ANK3: variants seen among roughly 807,000 people sequenced by gnomAD.
ANK3 encodes the protein ankyrin 3.
ANK3 carries 57 observed loss-of-function variants against 370.9 expected under a neutral mutation model. The observed-to-expected ratio is 0.15, with a 90% confidence interval of 0.12 to 0.19. ANK3 has a LOEUF of 0.19. Among genes scored for constraint, ANK3 ranks in the 10% least tolerant of loss-of-function variants. The pLI is 1.00. For missense variants in ANK3, 4,439 were observed against 5,302.1 expected (o/e 0.84, Z 5.06); for synonymous variants, 1,929 against 1,946.3 (o/e 0.99, Z 0.23).
Position 60,108,812 on chromosome 10 carries a change from A to G in ANK3, c.3173+18T>C. On this transcript the variant is annotated intron_variant, in intron 27 of 43. Transcript: ENST00000280772. ...ATGCATTGTGAGGGCCAAGGTTAAAATTGACAAAACAACTTACCCTAAAAA... is the reference window on the plus strand; with the variant it reads ...ATGCATTGTGAGGGCCAAGGTTAAAGTTGACAAAACAACTTACCCTAAAAA... 1 of 1,608,926 alleles carries G rather than the reference A, an allele frequency of 6.2e-7. No individual in the cohort carries two copies.
chr10:60,397,583 G>A (rs916061943), intron 2 of ANK3, among the ~76,000 whole-genome samples: 11 of 152,258 alleles, frequency 7.2e-5, no homozygotes, highest in African/African-American at 2.6e-4. Context: ...GGCACTCAGG[G>A]TTCCTGAGTA....
chr10:60,390,719 T>C (rs1205653215), upstream of ANK3, among the ~76,000 whole-genome samples: 1 of 101,006 alleles, frequency 9.9e-6, no homozygotes, highest in African/African-American at 4.3e-5. Flanking sequence ...TGAGACCTAG[T>C]AAAAAAAAGA....
intron 11 of ANK3, 72 bp downstream of exon 11, chr10:60,205,720 G>T (rs1195244037): frequency 1.8e-6 from 2 of 1,098,226 alleles, no homozygotes; most frequent in Non-Finnish European, 2.8e-6. Flanking sequence ...CCTGGAGATG[G>T]CCCTGGGGCT....
intron 2 of ANK3, among the ~76,000 whole-genome samples, chr10:60,410,305 C>T (rs887914972): frequency 6.6e-6 from 1 of 152,018 alleles, no homozygotes; most frequent in Non-Finnish European, 1.5e-5. Flanking sequence ...AAAGACATTA[C>T]TCATAGTTGC....
At chr10:60,207,702 C>A (rs533207491) in intron 10 of ANK3, among the ~76,000 whole-genome samples, 1 of 152,292 alleles carries the variant, frequency 6.6e-6, no homozygotes, top group Admixed American at 6.5e-5. Context: ...TTTCAGATCT[C>A]AGAATAAACT....
chr10:60,643,500 A>ATCTATCTATC (rs2078663991), intron 1 of ANK3, among the ~76,000 whole-genome samples: 119 of 146,816 alleles, frequency 8.1e-4, no homozygotes, highest in African/African-American at 2.9e-3. Flanking sequence ...ACTCCCCTTT[A>ATCTATCTATC]TATCTATCTA....
chr10:60,487,627 T>C (rs1439119867), intron 2 of ANK3, among the ~76,000 whole-genome samples: 1 of 152,152 alleles, frequency 6.6e-6, no homozygotes, highest in South Asian at 2.1e-4. Flanking sequence ...TTGGAAAGTA[T>C]ACTTGGTAAA....
At chr10:60,207,701 T>G (rs2096786155) in intron 10 of ANK3, among the ~76,000 whole-genome samples, 1 of 152,210 alleles carries the variant, frequency 6.6e-6, no homozygotes, top group Non-Finnish European at 1.5e-5. Context: ...TTTTCAGATC[T>G]CAGAATAAAC....
intron 1 of ANK3, among the ~76,000 whole-genome samples, chr10:60,285,154 T>TA (rs1381759394): frequency 6.6e-6 from 1 of 152,106 alleles, no homozygotes; most frequent in Non-Finnish European, 1.5e-5. Flanking sequence ...GGTAAGTTTT[T>TA]AAAAATATCT....
At chr10:60,557,605 A>T (rs2077238710) in intron 2 of ANK3, among the ~76,000 whole-genome samples, 1 of 152,192 alleles carries the variant, frequency 6.6e-6, no homozygotes, top group African/African-American at 2.4e-5. Flanking sequence ...TAAACTGTAT[A>T]TTTAAATATA....
At chr10:60,111,494 A>G (rs2092705478) in intron 26 of ANK3, among the ~76,000 whole-genome samples, 1 of 152,204 alleles carries the variant, frequency 6.6e-6, no homozygotes, top group African/African-American at 2.4e-5. Context: ...GTCATGCAAC[A>G]TAACTTATAG....
intron 2 of ANK3, among the ~76,000 whole-genome samples, chr10:60,496,006 A>G (rs1017899787): frequency 1.3e-5 from 2 of 151,766 alleles, no homozygotes; most frequent in South Asian, 2.1e-4. Flanking sequence ...CTTGTTTCCA[A>G]TGTCAAGAAT....
intron 8 of ANK3, among the ~76,000 whole-genome samples, chr10:60,215,282 C>T (rs2096919317): frequency 6.6e-6 from 1 of 152,076 alleles, no homozygotes; most frequent in South Asian, 2.1e-4. Context: ...GGGTAGACTG[C>T]AAAAATTTTC....
chr10:60,513,876 G>A (rs974137187), intron 2 of ANK3, among the ~76,000 whole-genome samples: 1 of 152,098 alleles, frequency 6.6e-6, no homozygotes, highest in Non-Finnish European at 1.5e-5. Context: ...CACGGAGTGA[G>A]TCCACTTATA....
intron 2 of ANK3, among the ~76,000 whole-genome samples, chr10:60,598,977 G>A (rs1010182084): frequency 6.6e-6 from 1 of 152,152 alleles, no homozygotes; most frequent in African/African-American, 2.4e-5. Context: ...TGCCCAGGCT[G>A]GAGTACAGTG....
At chr10:60,228,170 C>T (rs1296513069) in intron 8 of ANK3, among the ~76,000 whole-genome samples, 2 of 152,162 alleles carry the variant, frequency 1.3e-5, no homozygotes, top group Non-Finnish European at 2.9e-5. Context: ...GCACCACTTA[C>T]GAATATTTCT....
At chr10:60,423,296 T>C (rs544174646) in intron 2 of ANK3, among the ~76,000 whole-genome samples, 2 of 150,986 alleles carry the variant, frequency 1.3e-5, no homozygotes, top group African/African-American at 2.4e-5. Flanking sequence ...TTGACAATCA[T>C]TGATTTTTAA....
intron 28 of ANK3, 90 bp from the exon 29 acceptor site, chr10:60,088,448 G>A: frequency 1.7e-6 from 2 of 1,163,240 alleles, no homozygotes; most frequent in African/African-American, 1.5e-5. Flanking sequence ...TTTTTGAGAT[G>A]GAGTTTCACT....
chr10:60,051,663 TC>T (rs1451812528), intron 42 of ANK3: 84 of 294,412 alleles, frequency 2.9e-4, no homozygotes, highest in Non-Finnish European at 3.6e-4. Context: ...GATGTTTTCT[TC>T]TTTTTTTTTT....
Sources: gnomAD v4.1 joint callset for allele counts (sites outside exome capture counted in the v4.1 genomes callset) on GRCh38, gnomAD v4.1.1 for gene constraint, MANE v1.5 for transcripts, NCBI Gene and HGNC (gene_info 2026-07-23, HGNC 2026-07-21) for gene names.